ABCC9: variants seen among roughly 807,000 people sequenced by gnomAD.
ABCC9 encodes ATP-binding cassette sub-family C member 9.
A neutral mutation model predicts 188.3 loss-of-function variants in ABCC9; 95 were observed. That is an observed-to-expected ratio of 0.50 (90% CI 0.43 to 0.60). The LOEUF is 0.60. Among genes scored for constraint, ABCC9 ranks in the 20% least tolerant of loss-of-function variants. The probability of loss-of-function intolerance (pLI) is 0.00; values close to 1 mark genes in which losing one functional copy is unlikely to be tolerated. For missense variants in ABCC9, 1,102 were observed against 1,876.3 expected (o/e 0.59, Z 7.62); for synonymous variants, 659 against 652.7 (o/e 1.01, Z -0.15).
intron 15 of ABCC9, among the ~76,000 whole-genome samples, chr12:21,884,269 T>A (rs544813865): frequency 1.1e-4 from 17 of 152,208 alleles, no homozygotes; most frequent in African/African-American, 3.9e-4. Context: ...AGACAGGTTC[T>A]GCCTATGTTG....
At chr12:21,925,682 C>T (rs1041358681) in intron 5 of ABCC9, 4 of 623,422 alleles carry the variant, frequency 6.4e-6, no homozygotes, top group African/African-American at 1.8e-5. Context: ...TTTCTTCCCC[C>T]ACCCCCCTAC....
chr12:21,802,900 T>C lies in ABCC9; in HGVS notation c.4513-1719A>G, dbSNP rs74871665. On this transcript the variant is annotated intron_variant, in intron 39 of 39. Coordinates refer to ENST00000261200, the MANE Select transcript of ABCC9 (RefSeq NM_020297.4). ...ATGCTTTCAGAAAAGCCAGCAGTTA[T>C]AGTTGTGACTCATGACGTGAGGGGA... Among the ~76,000 whole-genome samples, 1,322 of 152,230 alleles carry C rather than the reference T, an allele frequency of 8.7e-3. 19 individuals are homozygous for C. Among genetic ancestry groups the C allele is most frequent in the African/African-American group, 0.03 (1,255 of 41,550 alleles).
intron 9 of ABCC9, 24 bp from the exon 10 acceptor site, chr12:21,910,336 A>T (rs759133600): frequency 6.4e-7 from 1 of 1,565,670 alleles, no homozygotes; most frequent in Non-Finnish European, 8.7e-7. Flanking sequence ...AAAAAAGAGT[A>T]CATAAAGCTC....
At chr12:21,810,061 T>C in intron 36 of ABCC9, 106 bp from the exon 37 acceptor site, 1 of 746,870 alleles carries the variant, frequency 1.3e-6, no homozygotes, top group Admixed American at 2.0e-5. Flanking sequence ...CCATTTGTTT[T>C]GGTTACTGCT....
chr12:21,902,588 G>T (rs549696568), intron 12 of ABCC9, among the ~76,000 whole-genome samples: 1 of 151,910 alleles, frequency 6.6e-6, no homozygotes, highest in African/African-American at 2.4e-5. Flanking sequence ...TCAAATAGAC[G>T]CAAAAATAAT....
chr12:21,838,993 T>C (rs1374754563), intron 29 of ABCC9, among the ~76,000 whole-genome samples: 1 of 152,094 alleles, frequency 6.6e-6, no homozygotes, highest in Non-Finnish European at 1.5e-5. Context: ...TCCACCGCAC[T>C]CCAGCCTGGG....
In ABCC9 at chr12:21,801,218, T is replaced by G; in HGVS notation, c.4513-37A>C. ...AAGAAAACATGTATTTGTTACACAT[T>G]TCAGGGCACACGCCAAAACAATGGA... On this transcript the variant is annotated intron_variant, in intron 39 of 39. Coordinates refer to ENST00000261200, the MANE Select transcript of ABCC9 (RefSeq NM_020297.4). 1.9e-6 allele frequency: 3 copies of G among 1,612,716 alleles called. No homozygotes were observed. In the South Asian group the frequency reaches 3.3e-5, roughly 18 times the overall value.
intron 21 of ABCC9, among the ~76,000 whole-genome samples, chr12:21,860,287 C>T (rs543766016): frequency 6.6e-6 from 1 of 152,252 alleles, no homozygotes; most frequent in Admixed American, 6.5e-5. Flanking sequence ...CAAAAAAGAA[C>T]AGCCATTAAG....
chr12:21,810,015 T>C (rs1415190537), intron 36 of ABCC9, 60 bp from the exon 37 acceptor site: 4 of 1,039,852 alleles, frequency 3.8e-6, no homozygotes, highest in African/African-American at 1.6e-5. Flanking sequence ...TTTATGTATA[T>C]TTGCTTATTG....
intron 4 of ABCC9, 87 bp from the exon 5 acceptor site, chr12:21,926,150 C>T: frequency 1.3e-6 from 2 of 1,557,806 alleles, no homozygotes; most frequent in Non-Finnish European, 1.8e-6. Context: ...AGAACTCTAT[C>T]TTAGCAATAA....
intron 29 of ABCC9, among the ~76,000 whole-genome samples, chr12:21,841,551 G>T (rs1944397206): frequency 6.6e-6 from 1 of 151,602 alleles, no homozygotes; most frequent in Non-Finnish European, 1.5e-5. Flanking sequence ...TAAAGACGGG[G>T]TTTCACCATG....
At position 21,841,273 on chromosome 12, in the gene ABCC9, G is replaced by C. The variant is rs189378792; in HGVS notation, c.3473+1041C>G. On this transcript the variant is annotated intron_variant, in intron 29 of 39. Coordinates refer to ENST00000261200, the MANE Select transcript of ABCC9 (RefSeq NM_020297.4). Reference sequence around the variant, plus strand: ...TCTCAGTAAATGACAAATCCTAAACGAATATTTTTTTTCCCATTTGTAGAG... The same window carrying C: ...TCTCAGTAAATGACAAATCCTAAACCAATATTTTTTTTCCCATTTGTAGAG... 2.2e-3 allele frequency among the ~76,000 whole-genome samples: 333 copies of C among 150,276 alleles called. 2 individuals are homozygous for C. The highest frequency in any genetic ancestry group is 2.5e-3 in the South Asian group (12 of 4,736).
intron 12 of ABCC9, among the ~76,000 whole-genome samples, chr12:21,902,474 AC>A (rs1431095265): frequency 1.3e-5 from 2 of 152,220 alleles, no homozygotes; most frequent in African/African-American, 4.8e-5. Context: ...AAATAGAGAC[AC>A]AAAAAACCCT....
At chr12:21,848,334 G>T in intron 24 of ABCC9, 88 bp from the exon 25 acceptor site, 1 of 1,181,722 alleles carries the variant, frequency 8.5e-7, no homozygotes, top group Non-Finnish European at 1.3e-6. Flanking sequence ...TAAATGGTTA[G>T]TTACCTTTAC....
chr12:21,851,164 T>C (rs989537633), intron 24 of ABCC9, among the ~76,000 whole-genome samples: 2 of 152,144 alleles, frequency 1.3e-5, no homozygotes, highest in Non-Finnish European at 2.9e-5. Flanking sequence ...TGCTCATTCC[T>C]GGATAAGAAT....
At chr12:21,887,595 A>G (rs1946943620) in intron 15 of ABCC9, among the ~76,000 whole-genome samples, 1 of 152,194 alleles carries the variant, frequency 6.6e-6, no homozygotes, top group African/African-American at 2.4e-5. Flanking sequence ...CTTTTGAATT[A>G]AACACGTCTT....
chr12:21,917,358 T>C (rs1309772042), intron 5 of ABCC9, among the ~76,000 whole-genome samples: 1 of 152,170 alleles, frequency 6.6e-6, no homozygotes, highest in East Asian at 1.9e-4. Flanking sequence ...TAAAGAGATA[T>C]ATAATAGGAT....
chr12:21,816,036 GTTTTTTTTTTTTTTTTTTTTTTTTTTTTT>G (rs10611051), intron 33 of ABCC9, 143 bp from the exon 34 acceptor site: 1,144 of 58,298 alleles, frequency 0.02, 30 homozygotes, highest in Non-Finnish European at 0.026. Flanking sequence ...CTATGTGGCA[GTTTTTTTTTTTTTTTTTTTTTTTTTTTTT>G]TTTTTTTTTT....
In ABCC9 at chr12:21,830,647, A is replaced by G. The variant is rs140593321; in HGVS notation, c.3567-1587T>C. Among the ~76,000 whole-genome samples, 93 of 152,366 alleles carry G rather than the reference A, an allele frequency of 6.1e-4. 1 individual carries two copies. Among genetic ancestry groups the G allele is most frequent in the African/African-American group, 2.0e-3 (83 of 41,586 alleles). On this transcript the variant is annotated intron_variant, in intron 30 of 39. Transcript: ENST00000261200. ...AATATAAAGCAGACGCTTGATATCT[A>G]TCCAATCAATCTGATCATTCCAATA...
Sources: allele counts gnomAD v4.1 joint callset (sites outside exome capture counted in the v4.1 genomes callset), GRCh38; gene constraint gnomAD v4.1.1; transcripts MANE v1.5; gene names NCBI Gene and HGNC (gene_info 2026-07-23, HGNC 2026-07-21).